Variants in STAMBP observed in about 807,000 individuals in gnomAD.
The protein encoded by STAMBP is STAM binding protein.
Under a neutral mutation model 50.7 loss-of-function variants are expected in STAMBP, and 31 were observed. The observed-to-expected ratio is 0.61, with a 90% CI of 0.46 to 0.83. The LOEUF (loss-of-function observed/expected upper bound fraction) is 0.83. STAMBP is among the 40% of genes least tolerant of loss of function. STAMBP has a pLI of 0.00. For synonymous variants in STAMBP, 211 were observed against 192.4 expected (o/e 1.10, Z -0.80); for missense variants, 472 against 518.9 (o/e 0.91, Z 0.88).
At chr2:73,831,781 G>T (rs1025710722) in intron 2 of STAMBP, among the ~76,000 whole-genome samples, 1 of 152,084 alleles carries the variant, frequency 6.6e-6, no homozygotes, top group African/African-American at 2.4e-5. Context: ...AGCTCATAGT[G>T]TGTTTCACCT....
At chr2:73,851,943 T>TA (rs1676867021) in intron 7 of STAMBP, among the ~76,000 whole-genome samples, 1 of 152,148 alleles carries the variant, frequency 6.6e-6, no homozygotes, top group Admixed American at 6.5e-5. Context: ...CCCGGCTAGA[T>TA]ATGTTTTAAT....
At chr2:73,872,732 TA>T (rs1327183753) in intron 10 of STAMBP, among the ~76,000 whole-genome samples, 1 of 152,236 alleles carries the variant, frequency 6.6e-6, no homozygotes, top group African/African-American at 2.4e-5. Context: ...GTATGCCTAC[TA>T]AATTCAAGTC....
chr2:73,859,241 T>C lies in STAMBP; in HGVS notation c.1006-13T>C. 1 of 1,609,922 alleles carries C rather than the reference T, an allele frequency of 6.2e-7. No individual in the cohort carries two copies. Among genetic ancestry groups the C allele is most frequent in the Non-Finnish European group, 8.5e-7 (1 of 1,176,212 alleles). ...CCTCGCTAAGAGTCCTCTGACTCTT[T>C]TTCTCTCCTCAGACTCACCCCACAC... On this transcript the variant is annotated splice_polypyrimidine_tract_variant and intron_variant, in intron 7 of 9. Coordinates refer to ENST00000394070, the MANE Select transcript of STAMBP (RefSeq NM_213622.4).
At chr2:73,859,164 T>C in intron 7 of STAMBP, 90 bp from the exon 8 acceptor site, 2 of 957,408 alleles carry the variant, frequency 2.1e-6, no homozygotes, top group Non-Finnish European at 3.4e-6. Context: ...TTGATATGGA[T>C]AGCTTTAAAC....
downstream of STAMBP, among the ~76,000 whole-genome samples, chr2:73,867,729 T>C (rs1679014760): frequency 6.6e-6 from 1 of 152,166 alleles, no homozygotes; most frequent in South Asian, 2.1e-4. Context: ...GCTTTCATTA[T>C]TTAAGAAGAA....
downstream of STAMBP, among the ~76,000 whole-genome samples, chr2:73,869,776 G>C (rs1332372867): frequency 6.6e-6 from 1 of 152,094 alleles, no homozygotes; most frequent in African/African-American, 2.4e-5. Context: ...ATAAGTTAAA[G>C]TAATTTGATA....
At chr2:73,851,588 G>C (rs1676806466) in intron 7 of STAMBP, among the ~76,000 whole-genome samples, 1 of 152,162 alleles carries the variant, frequency 6.6e-6, no homozygotes, top group Non-Finnish European at 1.5e-5. Context: ...GGAGCACTGG[G>C]GGGACCAGTT....
Position 73,850,251 on chromosome 2 carries a change from G to C in STAMBP, c.868-125G>C. 3 of 1,265,396 alleles carry C rather than the reference G, an allele frequency of 2.4e-6. No individual in the cohort carries two copies. Among genetic ancestry groups the C allele is most frequent in the Non-Finnish European group, 3.2e-6 (3 of 923,718 alleles). The allele number at this position is 1,265,396 out of a possible 1,614,324, so 78.4% of individuals were successfully genotyped here. ...CAAGGTTGTGAACCACTGAGTGGCA[G>C]GACTCCTGCTGTGTGGGAAGGGCTT... is the stretch of plus-strand genomic sequence containing the variant. On this transcript the variant is annotated intron_variant, in intron 6 of 9. Coordinates refer to ENST00000394070, the MANE Select transcript of STAMBP (RefSeq NM_213622.4). The surrounding 1 kb of genome is among the most constrained non-coding windows in gnomAD (Gnocchi z 4.3).
At chr2:73,860,417 A>G (rs1170357650) in intron 9 of STAMBP, 4 of 554,516 alleles carry the variant, frequency 7.2e-6, no homozygotes, top group Non-Finnish European at 1.1e-5. Context: ...CATAATAATA[A>G]CACCTACTTT....
At chr2:73,856,290 A>G (rs147505086) in intron 7 of STAMBP, among the ~76,000 whole-genome samples, 7 of 152,340 alleles carry the variant, frequency 4.6e-5, no homozygotes, top group Non-Finnish European at 7.3e-5. Context: ...GCCTTTGCCT[A>G]TAGAACCTGA....
At chr2:73,871,531 G>A (rs1395140770), downstream of STAMBP, among the ~76,000 whole-genome samples, 4 of 148,946 alleles carry the variant, frequency 2.7e-5, no homozygotes, top group African/African-American at 7.4e-5. Flanking sequence ...CTGGGCAACA[G>A]AGTGAGACTC....
At chr2:73,846,954 C>T (rs1356453627) in intron 4 of STAMBP, among the ~76,000 whole-genome samples, 1 of 151,806 alleles carries the variant, frequency 6.6e-6, no homozygotes, top group East Asian at 1.9e-4. Flanking sequence ...TGGTGGTGCA[C>T]ACCTGTGGTC....
chr2:73,832,609 A>G (rs1674106181), intron 2 of STAMBP, among the ~76,000 whole-genome samples: 1 of 152,086 alleles, frequency 6.6e-6, no homozygotes, highest in South Asian at 2.1e-4. Flanking sequence ...TAAGTTTTTG[A>G]TCACATACTC....
rs1034529143 is a variant in STAMBP at position 73,859,293 on chromosome 2, C to G, written c.1045C>G (p.Leu349Val). The G allele has an allele frequency of 7.4e-6, 12 of 1,614,184 alleles. No homozygotes were observed. In the East Asian group the frequency reaches 1.8e-4, roughly 24 times the overall value. ...TQTAFLSSVD[L>V]HTHCSYQMML... is the part of the protein sequence containing the mutation. ...GACCGCGTTTCTCTCCAGTGTCGACCTACACACTCACTGCTCTTACCAGAT... is the reference window on the plus strand; with the variant it reads ...GACCGCGTTTCTCTCCAGTGTCGACGTACACACTCACTGCTCTTACCAGAT... Residue 349 changes from leucine to valine, a missense_variant, in exon 8 of 10, where the codon CTA becomes GTA. By Grantham distance (32) the Leu-to-Val change is conservative. Coordinates refer to ENST00000394070, the MANE Select transcript of STAMBP (RefSeq NM_213622.4).
intron 7 of STAMBP, among the ~76,000 whole-genome samples, chr2:73,852,787 C>T (rs535595225): frequency 2.3e-3 from 357 of 151,960 alleles, no homozygotes; most frequent in South Asian, 0.016. Flanking sequence ...AAGTGATTCT[C>T]CTGCCTCAGT....
rs1172378956 is a variant in STAMBP at position 73,865,994 on chromosome 2, CATCTCT to C, written c.*3738_*3743del. 1 of 152,252 alleles carries C rather than the reference CATCTCT, an allele frequency of 6.6e-6. No homozygotes were observed. Among genetic ancestry groups the C allele is most frequent in the Non-Finnish European group, 1.5e-5 (1 of 68,068 alleles). The allele number at this position is 152,252 out of a possible 1,614,324, so 9.4% of individuals were successfully genotyped here. A position where few individuals can be genotyped will look rare whatever the true frequency, so the allele number is the denominator to read the frequency against. ...GACCCAGGACCTAAAGAAATTACAT[CATCTCT>C]ATTTTCCCTTGGCTCCAGCCCACTC... On this transcript the variant is annotated 3_prime_UTR_variant, in exon 10 of 10. Transcript: ENST00000394070.
chr2:73,859,444 C>T, intron 8 of STAMBP, 78 bp downstream of exon 8: 1 of 1,105,908 alleles, frequency 9.0e-7, no homozygotes, highest in East Asian at 2.4e-5. Flanking sequence ...GGTCTCTATT[C>T]TTGTGGACTT....
At chr2:73,860,415 T>C in intron 9 of STAMBP, 1 of 559,044 alleles carries the variant, frequency 1.8e-6, no homozygotes, top group Non-Finnish European at 2.6e-6. Flanking sequence ...GGCATAATAA[T>C]AACACCTACT....
chr2:73,863,085 C>CTTCACAACATCA lies in STAMBP; in HGVS notation c.*827_*828insTCACAACATCAT, dbSNP rs1431043565. ...TTCCAGAGGTGTTGTGAAGTCATCTCTGTTCTTTTGGTGCTGTCTCAAATG... is the reference window on the plus strand; with the variant it reads ...TTCCAGAGGTGTTGTGAAGTCATCTCTTCACAACATCATGTTCTTTTGGTGCTGTCTCAAATG... On this transcript the variant is annotated 3_prime_UTR_variant, in exon 10 of 10. Coordinates refer to ENST00000394070, the MANE Select transcript of STAMBP (RefSeq NM_213622.4). The CTTCACAACATCA allele has an allele frequency of 6.6e-6, 1 of 152,186 alleles. No homozygotes were observed. The highest frequency in any genetic ancestry group is 2.4e-5 in the African/African-American group (1 of 41,436). 9.4% of individuals were successfully genotyped at this position (152,186 alleles called of 1,614,324 possible). A position where few individuals can be genotyped will look rare whatever the true frequency, so the allele number is the denominator to read the frequency against.
Sources: allele counts gnomAD v4.1 joint callset (sites outside exome capture counted in the v4.1 genomes callset), GRCh38; gene constraint gnomAD v4.1.1; non-coding constraint Gnocchi (gnomAD v3.1); transcripts MANE v1.5; gene names NCBI Gene and HGNC (gene_info 2026-07-23, HGNC 2026-07-21).